ZNF423: variants seen among roughly 807,000 people sequenced by gnomAD.
The protein encoded by ZNF423 is zinc finger protein 423, also known as Ebf-associated zinc finger protein.
In ZNF423, 12 loss-of-function variants were observed where a neutral mutation model predicts 95.8. The ratio of observed to expected loss-of-function variants is 0.13; its 90% CI spans 0.08 to 0.20. ZNF423 has a LOEUF of 0.20. ZNF423 is among the 10% of genes least tolerant of loss of function. The pLI is 1.00. For missense variants in ZNF423, 1,316 were observed against 1,737.1 expected (o/e 0.76, Z 4.31); for synonymous variants, 749 against 711.9 (o/e 1.05, Z -0.83).
intron 5 of ZNF423, among the ~76,000 whole-genome samples, chr16:49,611,717 A>G (rs1267937636): frequency 1.3e-5 from 2 of 151,998 alleles, no homozygotes; most frequent in African/African-American, 4.8e-5. Context: ...GTTTTAAAAG[A>G]TTGATAAAAT....
At chr16:49,590,075 A>T (rs1279763449) in intron 5 of ZNF423, among the ~76,000 whole-genome samples, 1 of 128,104 alleles carries the variant, frequency 7.8e-6, no homozygotes, top group East Asian at 2.8e-4. Context: ...ACGTGACCAG[A>T]GATGTCACCT....
At chr16:49,685,531 TC>T (rs2031530698) in intron 3 of ZNF423, among the ~76,000 whole-genome samples, 1 of 152,140 alleles carries the variant, frequency 6.6e-6, no homozygotes, top group Non-Finnish European at 1.5e-5. Context: ...ATCCTATTCC[TC>T]CTTCAGCGCT....
chr16:49,620,164 A>AC (rs1459342052), intron 5 of ZNF423, among the ~76,000 whole-genome samples: 4 of 142,878 alleles, frequency 2.8e-5, no homozygotes, highest in African/African-American at 1.1e-4. Flanking sequence ...CACACACACC[A>AC]CACACACACA....
In ZNF423 at chr16:49,638,546, G is replaced by C. The variant is rs186529267; in HGVS notation, c.630C>G (p.Ala210=). 41 of 1,613,708 alleles carry C rather than the reference G, an allele frequency of 2.5e-5. No homozygotes were observed. The highest frequency in any genetic ancestry group is 2.8e-5 in the Non-Finnish European group (33 of 1,179,986). ...TCTTGAGGTGGTCGCTGCGGGAGAAGGCTGCCTCGCACTCGTGGCAGTGAT... is the reference window on the plus strand; with the variant it reads ...TCTTGAGGTGGTCGCTGCGGGAGAACGCTGCCTCGCACTCGTGGCAGTGAT... ...KKYHCHECEA[A]FSRSDHLKIH... Residue 210 remains alanine, a synonymous_variant, in exon 4 of 8, where the codon GCC becomes GCG. Transcript: ENST00000563137. This position sits in a 1 kb window ranked among gnomAD's most constrained non-coding sequence, Gnocchi z 5.6.
At chr16:49,652,847 A>G (rs966998915) in intron 3 of ZNF423, among the ~76,000 whole-genome samples, 3 of 152,172 alleles carry the variant, frequency 2.0e-5, no homozygotes, top group African/African-American at 7.2e-5. Flanking sequence ...ATCTGTTAGC[A>G]TCTGCCTCTC....
chr16:49,839,358 G>T (rs1245316677), intron 1 of ZNF423, among the ~76,000 whole-genome samples: 1 of 152,120 alleles, frequency 6.6e-6, no homozygotes, highest in African/African-American at 2.4e-5. Flanking sequence ...CGGCCTCTGA[G>T]GTAACGGGCT....
At chr16:49,509,283 C>G (rs1020888033) in intron 7 of ZNF423, among the ~76,000 whole-genome samples, 1 of 152,310 alleles carries the variant, frequency 6.6e-6, no homozygotes, top group African/African-American at 2.4e-5. Context: ...AAAGGAGACA[C>G]CAAACTGAAA....
intron 7 of ZNF423, among the ~76,000 whole-genome samples, chr16:49,511,405 C>T (rs1486181235): frequency 3.3e-5 from 5 of 152,354 alleles, no homozygotes; most frequent in South Asian, 2.1e-4. Context: ...CCGCAGGCTG[C>T]GAACACAGGC....
upstream of ZNF423, among the ~76,000 whole-genome samples, chr16:49,856,365 G>A (rs1019252564): frequency 2.0e-5 from 3 of 148,580 alleles, no homozygotes; most frequent in Non-Finnish European, 3.0e-5. Context: ...GGAGTCGAGG[G>A]TATCTCAAGG....
chr16:49,833,324 C>G (rs574746479), intron 1 of ZNF423, among the ~76,000 whole-genome samples: 1 of 152,224 alleles, frequency 6.6e-6, no homozygotes, highest in Non-Finnish European at 1.5e-5. Flanking sequence ...CAAAGGCCTA[C>G]GCATGCGCCC....
chr16:49,646,949 G>T (rs1336527781), intron 3 of ZNF423, among the ~76,000 whole-genome samples: 1 of 152,116 alleles, frequency 6.6e-6, no homozygotes, highest in Non-Finnish European at 1.5e-5. Context: ...TATGAGGTAG[G>T]TACTATTAAC....
At chr16:49,768,657 C>T (rs2033974131) in intron 2 of ZNF423, among the ~76,000 whole-genome samples, 1 of 152,074 alleles carries the variant, frequency 6.6e-6, no homozygotes, top group Non-Finnish European at 1.5e-5. Flanking sequence ...CGTCGATGTC[C>T]CAACCTTCAA....
chr16:49,744,283 C>T (rs2033475538), intron 2 of ZNF423, among the ~76,000 whole-genome samples: 1 of 152,238 alleles, frequency 6.6e-6, no homozygotes, highest in African/African-American at 2.4e-5. Context: ...ACGTCTGCCA[C>T]AGAGGTCCGA....
At chr16:49,652,732 G>A (rs748725077) in intron 3 of ZNF423, among the ~76,000 whole-genome samples, 2 of 152,168 alleles carry the variant, frequency 1.3e-5, no homozygotes, top group African/African-American at 2.4e-5. Context: ...TTTGGAGATC[G>A]GCAGAGCCCA....
rs547533641 is a variant in ZNF423 at position 49,826,160 on chromosome 16, G to A, written c.40+29575C>T. Among the ~76,000 whole-genome samples the A allele has an allele frequency of 2.5e-4, 38 of 152,268 alleles. 1 individual carries two copies. In the East Asian group the frequency reaches 6.4e-3, roughly 25 times the overall value. On this transcript the variant is annotated intron_variant, in intron 1 of 7. Transcript: ENST00000563137. ...CCGGGAGGTCGAGGCTTCAGTGAGC[G>A]GAGATTGTACCACTGCACTCCAGCC...
At chr16:49,647,593 G>T (rs1232997217) in intron 3 of ZNF423, among the ~76,000 whole-genome samples, 1 of 152,134 alleles carries the variant, frequency 6.6e-6, no homozygotes, top group Non-Finnish European at 1.5e-5. Flanking sequence ...ATATGAGAAG[G>T]ACCCAACCAG....
intron 7 of ZNF423, among the ~76,000 whole-genome samples, chr16:49,509,479 T>C (rs1417394085): frequency 6.6e-6 from 1 of 152,158 alleles, no homozygotes; most frequent in Non-Finnish European, 1.5e-5. Context: ...CCCCAGCACC[T>C]CGCCTCTCCT....
At chr16:49,567,344 T>G (rs1429651964) in intron 5 of ZNF423, among the ~76,000 whole-genome samples, 1 of 152,170 alleles carries the variant, frequency 6.6e-6, no homozygotes, top group Non-Finnish European at 1.5e-5. Context: ...AAAAGGGAGA[T>G]ACAAAGCTGC....
chr16:49,823,618 G>A (rs1243482054), intron 1 of ZNF423, among the ~76,000 whole-genome samples: 1 of 151,954 alleles, frequency 6.6e-6, no homozygotes, highest in Non-Finnish European at 1.5e-5. Flanking sequence ...CATTCCGAAA[G>A]GGAAAGAAAA....
Sources: allele counts gnomAD v4.1 joint callset (sites outside exome capture counted in the v4.1 genomes callset), GRCh38; gene constraint gnomAD v4.1.1; non-coding constraint Gnocchi (gnomAD v3.1); transcripts MANE v1.5; gene names NCBI Gene and HGNC (gene_info 2026-07-23, HGNC 2026-07-21).